The following DLG2 variants were observed in gnomAD, a reference collection of about 807,000 sequenced individuals.
DLG2 encodes the protein disks large homolog 2.
In DLG2, 45 loss-of-function variants were observed where a neutral mutation model predicts 132.5. The observed-to-expected ratio is 0.34, with a 90% CI of 0.27 to 0.44. DLG2 has a LOEUF of 0.44. Ranked by LOEUF, DLG2 falls within the 20% of genes least tolerant of loss-of-function variation. DLG2 has a pLI of 1.00. For synonymous variants in DLG2, 424 were observed against 419.6 expected (o/e 1.01, Z -0.13); for missense variants, 1,045 against 1,196.9 (o/e 0.87, Z 1.87).
chr11:84,022,171 C>A (rs1047965879), intron 11 of DLG2, among the ~76,000 whole-genome samples: 1 of 152,118 alleles, frequency 6.6e-6, no homozygotes, highest in African/African-American at 2.4e-5. Context: ...CTGTCAGATT[C>A]CAGGAATTTG....
chr11:84,201,888 G>A (rs912008538), intron 8 of DLG2, among the ~76,000 whole-genome samples: 15 of 123,630 alleles, frequency 1.2e-4, no homozygotes, highest in East Asian at 7.2e-4. Context: ...GTGGGGTTTC[G>A]GCTCACTGCA....
intron 6 of DLG2, among the ~76,000 whole-genome samples, chr11:84,990,784 A>C (rs2057012562): frequency 6.6e-6 from 1 of 152,110 alleles, no homozygotes. Context: ...GGAAAGTTCC[A>C]TGAAGAACTA....
At chr11:85,184,508 C>A (rs1357025537) in intron 4 of DLG2, among the ~76,000 whole-genome samples, 14 of 151,780 alleles carry the variant, frequency 9.2e-5, no homozygotes, top group African/African-American at 3.4e-4. Flanking sequence ...CCTGATACCA[C>A]CAAGCAGTTT....
chr11:85,582,845 G>A lies in DLG2; in HGVS notation c.40+15812C>T, dbSNP rs117075712. ...TTTCTGTGTGTTTTAAACTTTTAGG[G>A]ACTCATGATTAAGGCATTTTGTAAG... On this transcript the variant is annotated intron_variant, in intron 3 of 27. Transcript: ENST00000376104. 1.1e-4 allele frequency among the ~76,000 whole-genome samples: 17 copies of A among 149,552 alleles called. No homozygotes were observed. The East Asian group carries it at 3.3e-3, about 29-fold the overall frequency.
At chr11:83,903,620 G>A (rs959285757) in intron 15 of DLG2, among the ~76,000 whole-genome samples, 1 of 152,076 alleles carries the variant, frequency 6.6e-6, no homozygotes, top group Admixed American at 6.6e-5. Flanking sequence ...GAAACTGGGG[G>A]CTTAGGCAAA....
chr11:84,124,205 T>C (rs1481814971), intron 9 of DLG2, among the ~76,000 whole-genome samples: 1 of 152,194 alleles, frequency 6.6e-6, no homozygotes, highest in Non-Finnish European at 1.5e-5. Flanking sequence ...CACATGTTTT[T>C]TTCCTATGTT....
rs192087033 is a variant in DLG2 at position 85,503,068 on chromosome 11, C to A, written c.40+95589G>T. ...ATACTCCCGTATGAAGAAGAAAGAA[C>A]CAAAAGAATACATAAAGTATTATTC... On this transcript the variant is annotated intron_variant, in intron 3 of 27. Transcript: ENST00000376104. Among the ~76,000 whole-genome samples, 20 of 151,992 alleles carry A rather than the reference C, an allele frequency of 1.3e-4. 1 individual carries two copies. The highest frequency in any genetic ancestry group is 4.1e-4 in the African/African-American group (17 of 41,484).
chr11:83,815,499 C>T (rs953186865), intron 17 of DLG2, among the ~76,000 whole-genome samples: 1 of 152,094 alleles, frequency 6.6e-6, no homozygotes, highest in Non-Finnish European at 1.5e-5. Context: ...CTGTGATGTG[C>T]GTTCTCTGTT....
At chr11:85,579,719 C>T (rs954693012) in intron 3 of DLG2, among the ~76,000 whole-genome samples, 1 of 152,174 alleles carries the variant, frequency 6.6e-6, no homozygotes, top group African/African-American at 2.4e-5. Flanking sequence ...CAGAGTCTCA[C>T]TCTGTTGCCC....
chr11:84,538,053 C>A (rs1182007209), intron 6 of DLG2, among the ~76,000 whole-genome samples: 1 of 152,142 alleles, frequency 6.6e-6, no homozygotes, highest in Non-Finnish European at 1.5e-5. Context: ...AAAAGAACAA[C>A]CCTTGACTTC....
intron 7 of DLG2, among the ~76,000 whole-genome samples, chr11:84,505,938 T>G (rs900931401): frequency 6.6e-6 from 1 of 152,034 alleles, no homozygotes; most frequent in Non-Finnish European, 1.5e-5. Context: ...TTCCTGAAGG[T>G]TATAAATTCC....
intron 3 of DLG2, among the ~76,000 whole-genome samples, chr11:85,306,254 T>G (rs1421710310): frequency 2.0e-5 from 3 of 152,208 alleles, no homozygotes; most frequent in Non-Finnish European, 4.4e-5. Context: ...ATACATTTAT[T>G]TCACAAATAT....
At chr11:85,450,491 A>G (rs1279700889) in intron 3 of DLG2, among the ~76,000 whole-genome samples, 1 of 152,040 alleles carries the variant, frequency 6.6e-6, no homozygotes, top group Non-Finnish European at 1.5e-5. Context: ...TTCTATTTCC[A>G]ACTCATCTTC....
chr11:84,226,975 A>T (rs1243527341), intron 8 of DLG2, among the ~76,000 whole-genome samples: 2 of 151,448 alleles, frequency 1.3e-5, no homozygotes, highest in Non-Finnish European at 2.9e-5. Flanking sequence ...AATCCCAATC[A>T]CTCCGGAGGC....
At chr11:85,537,090 A>C (rs567857313) in intron 3 of DLG2, among the ~76,000 whole-genome samples, 53 of 152,300 alleles carry the variant, frequency 3.5e-4, no homozygotes, top group Non-Finnish European at 6.3e-4. Context: ...GACTTGGAGA[A>C]CGTTTGCGTC....
At chr11:83,753,674 G>GAT (rs1205657603) in intron 18 of DLG2, among the ~76,000 whole-genome samples, 10 of 139,084 alleles carry the variant, frequency 7.2e-5, no homozygotes, top group East Asian at 6.1e-4. Context: ...ATTTTAAATT[G>GAT]ATATATATAT....
intron 3 of DLG2, among the ~76,000 whole-genome samples, chr11:85,286,557 T>C (rs2078570561): frequency 1.3e-5 from 2 of 152,128 alleles, no homozygotes; most frequent in South Asian, 2.1e-4. Context: ...TAATGAACAC[T>C]GTCATATTAT....
At chr11:84,738,946 C>T (rs746303356) in intron 6 of DLG2, among the ~76,000 whole-genome samples, 3 of 151,856 alleles carry the variant, frequency 2.0e-5, no homozygotes, top group Admixed American at 1.3e-4. Context: ...TGAAACTGTG[C>T]ATATTGTATA....
At chr11:83,498,031 T>C in intron 21 of DLG2, among the ~76,000 whole-genome samples, 2 of 152,238 alleles carry the variant, frequency 1.3e-5, no homozygotes, top group Admixed American at 1.3e-4. Flanking sequence ...CAAATATCCC[T>C]TAGTATTATT....
Sources: allele counts gnomAD v4.1 joint callset (sites outside exome capture counted in the v4.1 genomes callset), GRCh38; gene constraint gnomAD v4.1.1; transcripts MANE v1.5; gene names NCBI Gene and HGNC (gene_info 2026-07-23, HGNC 2026-07-21).